Variants in EXOC6B observed in about 807,000 individuals in gnomAD.
The protein encoded by EXOC6B is exocyst complex component 6B.
A neutral mutation model predicts 113.5 loss-of-function variants in EXOC6B; 54 were observed. The ratio of observed to expected loss-of-function variants is 0.48; its 90% CI spans 0.38 to 0.60. The LOEUF (loss-of-function observed/expected upper bound fraction) is 0.60. Among genes scored for constraint, EXOC6B ranks in the 20% least tolerant of loss-of-function variants. EXOC6B has a pLI of 0.00. For missense variants in EXOC6B, 797 were observed against 977.5 expected (o/e 0.82, Z 2.46); for synonymous variants, 357 against 339.0 (o/e 1.05, Z -0.58).
intron 6 of EXOC6B, among the ~76,000 whole-genome samples, chr2:72,689,737 T>A (rs905676704): frequency 7.9e-5 from 12 of 152,192 alleles, no homozygotes; most frequent in African/African-American, 2.7e-4. Context: ...AGTTTAAGTA[T>A]GCACAATTGT....
Position 72,633,206 on chromosome 2 carries a change from G to A in EXOC6B, c.670-57538C>T, listed in dbSNP as rs766529867. Reference sequence around the variant, plus strand: ...TCCGTCTGCCATCAGGTGGAGGCACGAGGATTCCAAATAGAGAAGCACATT... The same window carrying A: ...TCCGTCTGCCATCAGGTGGAGGCACAAGGATTCCAAATAGAGAAGCACATT... On this transcript the variant is annotated intron_variant, in intron 6 of 21. Transcript: ENST00000272427. Among the ~76,000 whole-genome samples the A allele has an allele frequency of 9.2e-5, 14 of 152,156 alleles. No individual in the cohort carries two copies. In the East Asian group the frequency reaches 1.9e-3, roughly 21 times the overall value.
chr2:72,682,015 A>AT (rs1676742589), intron 6 of EXOC6B, among the ~76,000 whole-genome samples: 21 of 140,246 alleles, frequency 1.5e-4, no homozygotes. Flanking sequence ...AAAAAAAAAA[A>AT]GAACTAATAC....
chr2:72,269,223 T>G (rs1046809164), intron 20 of EXOC6B, among the ~76,000 whole-genome samples: 1 of 152,136 alleles, frequency 6.6e-6, no homozygotes, highest in African/African-American at 2.4e-5. Flanking sequence ...AATTTTCAAG[T>G]CTGGACAGTG....
intron 6 of EXOC6B, among the ~76,000 whole-genome samples, chr2:72,594,137 C>G (rs543474568): frequency 6.6e-6 from 1 of 152,078 alleles, no homozygotes; most frequent in Non-Finnish European, 1.5e-5. Context: ...CATGCACGCA[C>G]GCCTGGCTAA....
rs539929947 is a variant in EXOC6B at position 72,583,026 on chromosome 2, A to T, written c.670-7358T>A. On this transcript the variant is annotated intron_variant, in intron 6 of 21. Coordinates refer to ENST00000272427, the MANE Select transcript of EXOC6B (RefSeq NM_015189.3). ...AAAGAAATTAATTAGAGCTTCTGGA[A>T]TTGACAAACTCACTTAGGGAATTTC... Among the ~76,000 whole-genome samples the T allele has an allele frequency of 2.4e-4, 37 of 152,356 alleles. No homozygotes were observed. In the South Asian group the frequency reaches 3.5e-3, roughly 14 times the overall value.
chr2:72,729,669 C>T (rs1680517940), intron 5 of EXOC6B, among the ~76,000 whole-genome samples: 1 of 151,996 alleles, frequency 6.6e-6, no homozygotes, highest in Non-Finnish European at 1.5e-5. Flanking sequence ...GAGTGATCCA[C>T]CCGCCTCAGC....
chr2:72,459,589 T>G (rs1697490353), intron 18 of EXOC6B, among the ~76,000 whole-genome samples: 1 of 152,070 alleles, frequency 6.6e-6, no homozygotes, highest in African/African-American at 2.4e-5. Context: ...AAATCATGAG[T>G]GAACTCTCAT....
intron 8 of EXOC6B, among the ~76,000 whole-genome samples, chr2:72,558,183 C>T (rs1703673177): frequency 6.6e-6 from 1 of 151,798 alleles, no homozygotes; most frequent in Non-Finnish European, 1.5e-5. Context: ...ACAAAAATCA[C>T]ATTATAAGGC....
At chr2:72,733,447 C>G (rs183683548) in intron 2 of EXOC6B, among the ~76,000 whole-genome samples, 118 of 152,208 alleles carry the variant, frequency 7.8e-4, no homozygotes, top group Non-Finnish European at 9.6e-4. Flanking sequence ...ATAGAAAGTA[C>G]AAATTTTATA....
intron 17 of EXOC6B, among the ~76,000 whole-genome samples, chr2:72,474,954 G>C (rs1048196836): frequency 6.6e-6 from 1 of 152,152 alleles, no homozygotes; most frequent in Non-Finnish European, 1.5e-5. Context: ...AGTTGGGTAG[G>C]ACACTTTGGT....
chr2:72,345,143 C>T (rs1282792428), intron 19 of EXOC6B, among the ~76,000 whole-genome samples: 1 of 152,088 alleles, frequency 6.6e-6, no homozygotes, highest in Non-Finnish European at 1.5e-5. Context: ...TAAAAGTTAA[C>T]CACACTTTAA....
intron 19 of EXOC6B, 86 bp downstream of exon 19, chr2:72,379,643 A>G: frequency 7.4e-7 from 1 of 1,350,002 alleles, no homozygotes; most frequent in African/African-American, 1.4e-5. Flanking sequence ...AGGAACAAGG[A>G]CCCTAAACAC....
chr2:72,653,414 G>A (rs1674341949), intron 6 of EXOC6B, among the ~76,000 whole-genome samples: 2 of 102,832 alleles, frequency 1.9e-5, no homozygotes, highest in Non-Finnish European at 3.8e-5. Context: ...TGTGGGGTGG[G>A]GGGAGGGGGG....
At chr2:72,266,844 G>A (rs924330416) in intron 20 of EXOC6B, among the ~76,000 whole-genome samples, 11 of 152,188 alleles carry the variant, frequency 7.2e-5, no homozygotes, top group Non-Finnish European at 1.5e-4. Context: ...AATTACCTTG[G>A]GCAGTATGGC....
intron 18 of EXOC6B, among the ~76,000 whole-genome samples, chr2:72,409,898 A>C (rs550323515): frequency 1.8e-4 from 28 of 152,260 alleles, no homozygotes; most frequent in African/African-American, 5.1e-4. Flanking sequence ...CCAATAAAAA[A>C]AACTTAAAAA....
intron 20 of EXOC6B, among the ~76,000 whole-genome samples, chr2:72,185,823 A>T (rs1176846737): frequency 1.3e-5 from 2 of 150,356 alleles, no homozygotes; most frequent in East Asian, 3.9e-4. Flanking sequence ...TACATGTGCC[A>T]TGTTGGTGTG....
intron 20 of EXOC6B, among the ~76,000 whole-genome samples, chr2:72,201,837 A>G (rs1679512749): frequency 6.6e-6 from 1 of 152,142 alleles, no homozygotes; most frequent in African/African-American, 2.4e-5. Flanking sequence ...TATTGAATTG[A>G]GAGTCCAAGT....
At chr2:72,359,918 T>G (rs139105508) in intron 19 of EXOC6B, among the ~76,000 whole-genome samples, 1 of 152,210 alleles carries the variant, frequency 6.6e-6, no homozygotes, top group East Asian at 1.9e-4. Context: ...CCCCCACTTC[T>G]CTTGCTGGTT....
chr2:72,665,147 C>A (rs1675298705), intron 6 of EXOC6B, among the ~76,000 whole-genome samples: 1 of 152,118 alleles, frequency 6.6e-6, no homozygotes, highest in African/African-American at 2.4e-5. Flanking sequence ...AAAGGGAGCA[C>A]CATGGCCCAG....
Sources: allele counts gnomAD v4.1 joint callset (sites outside exome capture counted in the v4.1 genomes callset), GRCh38; gene constraint gnomAD v4.1.1; transcripts MANE v1.5; gene names NCBI Gene and HGNC (gene_info 2026-07-23, HGNC 2026-07-21).